Variants in ABCC4 observed in about 807,000 individuals in gnomAD.
ABCC4 encodes ATP-binding cassette sub-family C member 4.
A neutral mutation model predicts 168.5 loss-of-function variants in ABCC4; 102 were observed. The ratio of observed to expected loss-of-function variants is 0.61; its 90% CI spans 0.52 to 0.71. ABCC4 has a LOEUF of 0.71. ABCC4 is among the 30% of genes least tolerant of loss of function. The pLI, the probability that ABCC4 is intolerant of heterozygous loss-of-function variation, is 0.00. For synonymous variants in ABCC4, 617 were observed against 590.7 expected (o/e 1.04, Z -0.65); for missense variants, 1,402 against 1,605.8 (o/e 0.87, Z 2.17).
At chr13:95,072,890 A>G (rs2033779659) in intron 24 of ABCC4, among the ~76,000 whole-genome samples, 1 of 152,236 alleles carries the variant, frequency 6.6e-6, no homozygotes, top group South Asian at 2.1e-4. Context: ...AAGAAACAAA[A>G]TTAAACAGGC....
intron 29 of ABCC4, among the ~76,000 whole-genome samples, chr13:95,035,795 C>A (rs2032095931): frequency 6.6e-6 from 1 of 152,134 alleles, no homozygotes; most frequent in South Asian, 2.1e-4. Flanking sequence ...GGTTAAGTGG[C>A]ACTTAGTTCT....
chr13:95,175,189 C>T (rs1178104041), intron 13 of ABCC4, among the ~76,000 whole-genome samples: 4 of 152,196 alleles, frequency 2.6e-5, no homozygotes, highest in Non-Finnish European at 5.9e-5. Flanking sequence ...ACAGCCGACT[C>T]GCTATCCACT....
intron 4 of ABCC4, among the ~76,000 whole-genome samples, chr13:95,224,261 A>G (rs1168308171): frequency 1.3e-5 from 2 of 152,080 alleles, no homozygotes; most frequent in Non-Finnish European, 2.9e-5. Flanking sequence ...ATGATGGCTA[A>G]CAACTTATTA....
intron 4 of ABCC4, among the ~76,000 whole-genome samples, chr13:95,227,180 G>C (rs1053166773): frequency 9.2e-5 from 14 of 152,124 alleles, no homozygotes; most frequent in Non-Finnish European, 1.9e-4. Context: ...TAAATCTCCA[G>C]CAGCAGAAAT....
rs544236465 is a variant in ABCC4 at position 95,075,088 on chromosome 13, G to T, written c.2806+344C>A. ...TCTGCTTTTGTGCTACAATGGCAAA[G>T]GTGATTCATCACAACAGAGACAATA... On this transcript the variant is annotated intron_variant, in intron 22 of 30. Transcript: ENST00000645237. 1.3e-5 allele frequency: 3 copies of T among 227,712 alleles called. No homozygotes were observed. In the East Asian group the frequency reaches 3.0e-4, roughly 23 times the overall value. 14.1% of individuals were successfully genotyped at this position (227,712 alleles called of 1,614,324 possible). A position where few individuals can be genotyped will look rare whatever the true frequency, so the allele number is the denominator to read the frequency against.
chr13:95,123,492 G>A (rs1165892292), intron 19 of ABCC4, among the ~76,000 whole-genome samples: 2 of 152,116 alleles, frequency 1.3e-5, no homozygotes, highest in Non-Finnish European at 2.9e-5. Flanking sequence ...CTCTCAAGTA[G>A]CTGGGAATAC....
At position 95,020,092 on chromosome 13, in the gene ABCC4, C is replaced by A. The variant is rs2031009456; in HGVS notation, c.*1483G>T. ...TGTGGTTTGTTGGACTGAACATTAA[C>A]CATACGTGTATTTCTAAGTACTAGG... On this transcript the variant is annotated 3_prime_UTR_variant, in exon 31 of 31. Coordinates refer to ENST00000645237, the MANE Select transcript of ABCC4 (RefSeq NM_005845.5). 1 of 152,158 alleles carries A rather than the reference C, an allele frequency of 6.6e-6. No individual in the cohort carries two copies. The allele number at this position is 152,158 out of a possible 1,614,324, so 9.4% of individuals were successfully genotyped here.
At chr13:95,176,694 G>A (rs2139593044) in intron 13 of ABCC4, among the ~76,000 whole-genome samples, 1 of 152,250 alleles carries the variant, frequency 6.6e-6, no homozygotes, top group Admixed American at 6.5e-5. Flanking sequence ...GCCCTCCTCT[G>A]CAAGCGAAGA....
chr13:95,027,351 T>C (rs140906340), intron 30 of ABCC4, among the ~76,000 whole-genome samples: 3,316 of 152,254 alleles, frequency 0.022, 46 homozygotes, highest in Middle Eastern at 0.044. Context: ...TCTGTATCTA[T>C]ACTGAAAAGC....
chr13:95,097,460 A>G (rs1337677840), intron 20 of ABCC4, among the ~76,000 whole-genome samples: 1 of 152,054 alleles, frequency 6.6e-6, no homozygotes, highest in African/African-American at 2.4e-5. Context: ...ACCAAGCAAA[A>G]ACACCCCACT....
At chr13:95,240,014 G>T (rs1240687489) in intron 3 of ABCC4, among the ~76,000 whole-genome samples, 1 of 152,136 alleles carries the variant, frequency 6.6e-6, no homozygotes, top group African/African-American at 2.4e-5. Flanking sequence ...GTGGCAGGTG[G>T]TACACACCCT....
intron 1 of ABCC4, among the ~76,000 whole-genome samples, chr13:95,298,526 A>G (rs1156378218): frequency 1.3e-5 from 2 of 152,170 alleles, no homozygotes; most frequent in East Asian, 3.9e-4. Flanking sequence ...GAATCTCCCA[A>G]GTGATGCCGA....
chr13:95,100,254 A>C (rs2034750121), intron 20 of ABCC4, among the ~76,000 whole-genome samples: 1 of 152,324 alleles, frequency 6.6e-6, no homozygotes, highest in African/African-American at 2.4e-5. Context: ...CTTGATAAAA[A>C]TGAGACTCTT....
At chr13:95,238,504 A>G (rs767479953) in intron 3 of ABCC4, among the ~76,000 whole-genome samples, 2 of 152,010 alleles carry the variant, frequency 1.3e-5, no homozygotes, top group African/African-American at 4.8e-5. Flanking sequence ...ACACATCACT[A>G]TTCTCCTCTC....
At chr13:95,198,518 A>C (rs2038527078) in intron 8 of ABCC4, among the ~76,000 whole-genome samples, 1 of 152,198 alleles carries the variant, frequency 6.6e-6, no homozygotes, top group Non-Finnish European at 1.5e-5. Flanking sequence ...TGGGAGTGTA[A>C]ATTAGTTCAA....
At chr13:95,201,526 G>A (rs1678388) in intron 8 of ABCC4, among the ~76,000 whole-genome samples, 122,489 of 152,184 alleles carry the variant, frequency 0.8, 50,027 homozygotes, top group African/African-American at 0.93. Flanking sequence ...CAATCTATAC[G>A]TAATATAAAG....
chr13:95,084,624 A>C (rs1353364598), intron 20 of ABCC4, among the ~76,000 whole-genome samples: 1 of 152,216 alleles, frequency 6.6e-6, no homozygotes, highest in African/African-American at 2.4e-5. Flanking sequence ...AAACAAGTCA[A>C]AATGTCTAAC....
chr13:95,179,516 A>ATC (rs2037820705), intron 11 of ABCC4, among the ~76,000 whole-genome samples: 1 of 152,244 alleles, frequency 6.6e-6, no homozygotes, highest in Non-Finnish European at 1.5e-5. Flanking sequence ...TTGACAAAGC[A>ATC]TAATACTTTT....
At chr13:95,164,199 CT>C (rs2037197655) in intron 16 of ABCC4, among the ~76,000 whole-genome samples, 178 bp downstream of exon 16, 1 of 152,050 alleles carries the variant, frequency 6.6e-6, no homozygotes, top group Non-Finnish European at 1.5e-5. Flanking sequence ...GAAAGATACC[CT>C]TTTTTCGCAG....
Sources: allele counts gnomAD v4.1 joint callset (sites outside exome capture counted in the v4.1 genomes callset), GRCh38; gene constraint gnomAD v4.1.1; transcripts MANE v1.5; gene names NCBI Gene and HGNC (gene_info 2026-07-23, HGNC 2026-07-21).